Variants in GALNT17 observed in about 807,000 individuals in gnomAD.
GALNT17 encodes the protein UDP-GalNAc:polypeptide N-acetylgalactosaminyltransferase-like 3.
Under a neutral mutation model 63.7 loss-of-function variants are expected in GALNT17, and 29 were observed. The observed-to-expected ratio is 0.46, with a 90% CI of 0.34 to 0.62. The LOEUF (loss-of-function observed/expected upper bound fraction) is 0.62. Ranked by LOEUF, GALNT17 falls within the 20% of genes least tolerant of loss-of-function variation. The probability of loss-of-function intolerance (pLI) is 0.01; values close to 1 mark genes in which losing one functional copy is unlikely to be tolerated. For missense variants in GALNT17, 603 were observed against 799.6 expected (o/e 0.75, Z 2.97); for synonymous variants, 305 against 318.3 (o/e 0.96, Z 0.45).
intron 5 of GALNT17, among the ~76,000 whole-genome samples, chr7:71,524,121 A>G (rs1416525429): frequency 6.6e-6 from 1 of 151,020 alleles, no homozygotes; most frequent in East Asian, 1.9e-4. Flanking sequence ...TGTCTCAAAG[A>G]AAAAGAAAAA....
intron 1 of GALNT17, among the ~76,000 whole-genome samples, chr7:71,249,739 C>G (rs570765562): frequency 6.6e-6 from 1 of 152,226 alleles, no homozygotes; most frequent in Admixed American, 6.5e-5. Context: ...AAAGATACCC[C>G]CCAAAAGAGA....
At chr7:71,204,612 C>T (rs531500466) in intron 1 of GALNT17, among the ~76,000 whole-genome samples, 1 of 150,790 alleles carries the variant, frequency 6.6e-6, no homozygotes, top group South Asian at 2.1e-4. Flanking sequence ...GTTGCCCAGA[C>T]TGGAGTGCAG....
At chr7:71,434,307 A>G (rs952537173) in intron 5 of GALNT17, among the ~76,000 whole-genome samples, 1 of 152,126 alleles carries the variant, frequency 6.6e-6, no homozygotes, top group African/African-American at 2.4e-5. Flanking sequence ...ACCCTCACTA[A>G]TACACCAAGG....
chr7:71,200,849 A>C (rs890976345), intron 1 of GALNT17, among the ~76,000 whole-genome samples: 1 of 152,084 alleles, frequency 6.6e-6, no homozygotes, highest in Non-Finnish European at 1.5e-5. Flanking sequence ...TATACCTAGC[A>C]TCTAGACTCA....
In GALNT17 at chr7:71,174,935, C is replaced by A. The variant is rs530989628; in HGVS notation, c.238+41895C>A. Among the ~76,000 whole-genome samples, 4 of 152,246 alleles carry A rather than the reference C, an allele frequency of 2.6e-5. No individual in the cohort carries two copies. The East Asian group carries it at 7.7e-4, about 29-fold the overall frequency. ...TTGGGGAGCGATGGAAGGTTTATTT[C>A]CACTTTTGAAAACTTTTTAAATGAA... On this transcript the variant is annotated intron_variant, in intron 1 of 10. Transcript: ENST00000333538.
chr7:71,335,972 T>A (rs887092648), intron 2 of GALNT17, among the ~76,000 whole-genome samples: 7 of 151,230 alleles, frequency 4.6e-5, no homozygotes, highest in Admixed American at 1.3e-4. Flanking sequence ...TACAAAAAGC[T>A]TTGTATTTTA....
intron 3 of GALNT17, among the ~76,000 whole-genome samples, chr7:71,389,454 G>A (rs563144248): frequency 1.3e-5 from 2 of 151,968 alleles, no homozygotes; most frequent in African/African-American, 4.8e-5. Context: ...CTTTTTATGA[G>A]AATCTAATGT....
chr7:71,600,488 C>G (rs769231891), intron 6 of GALNT17, among the ~76,000 whole-genome samples: 34 of 152,032 alleles, frequency 2.2e-4, no homozygotes, highest in Non-Finnish European at 4.0e-4. Context: ...CCCACGTGCC[C>G]GGTACCGTGC....
At chr7:71,428,626 A>G (rs1370901635) in intron 5 of GALNT17, among the ~76,000 whole-genome samples, 1 of 151,918 alleles carries the variant, frequency 6.6e-6, no homozygotes. Context: ...TTTAGTAGAG[A>G]CGAGGTTTCA....
chr7:71,582,513 G>A (rs6974383), intron 6 of GALNT17, among the ~76,000 whole-genome samples: 14,596 of 151,896 alleles, frequency 0.096, 1,402 homozygotes, highest in East Asian at 0.51. Context: ...CCTGGGAGGC[G>A]GAGGTTGCAG....
intron 1 of GALNT17, among the ~76,000 whole-genome samples, chr7:71,307,068 C>G (rs548333370): frequency 6.6e-6 from 1 of 152,234 alleles, no homozygotes; most frequent in Non-Finnish European, 1.5e-5. Context: ...AAGTGATCTG[C>G]CCACCTTGGC....
intron 5 of GALNT17, among the ~76,000 whole-genome samples, chr7:71,513,063 T>G (rs934186071): frequency 2.0e-5 from 3 of 152,226 alleles, no homozygotes; most frequent in Non-Finnish European, 4.4e-5. Context: ...TCGGGTTGAT[T>G]AAGCTGTTTG....
At chr7:71,172,208 G>A (rs1330072894) in intron 1 of GALNT17, among the ~76,000 whole-genome samples, 2 of 152,144 alleles carry the variant, frequency 1.3e-5, no homozygotes, top group African/African-American at 4.8e-5. Flanking sequence ...GCTCACGCTT[G>A]TAATCCCAGC....
intron 1 of GALNT17, among the ~76,000 whole-genome samples, chr7:71,306,872 G>A (rs1010868475): frequency 3.3e-5 from 5 of 151,926 alleles, no homozygotes; most frequent in Non-Finnish European, 5.9e-5. Context: ...TGCCCAGGCT[G>A]GAGTGCAGTG....
chr7:71,639,726 A>G (rs964974965), intron 6 of GALNT17, among the ~76,000 whole-genome samples: 1 of 152,220 alleles, frequency 6.6e-6, no homozygotes, highest in Non-Finnish European at 1.5e-5. Context: ...TATCTACTGT[A>G]TATATTGAAA....
rs1167623885 is a variant in GALNT17 at position 71,336,032 on chromosome 7, C to CT, written c.422+328dup. Among the ~76,000 whole-genome samples, 115 of 21,284 alleles carry CT rather than the reference C, an allele frequency of 5.4e-3. 5 individuals carry two copies. Among genetic ancestry groups the CT allele is most frequent in the Non-Finnish European group, 7.7e-3 (90 of 11,658 alleles). The allele number at this position is 21,284 out of a possible 152,430, so 14.0% of individuals were successfully genotyped here. ...CCTTCTTCTTCCTTCTTCTTTCTTC[C>CT]TTTTTTTTTTTTTTTTTTTTTTTTT... On this transcript the variant is annotated intron_variant, in intron 2 of 10. Transcript: ENST00000333538.
chr7:71,206,966 C>T (rs1356639886), intron 1 of GALNT17, among the ~76,000 whole-genome samples: 2 of 152,028 alleles, frequency 1.3e-5, no homozygotes, highest in South Asian at 2.1e-4. Context: ...AATAGCTGGG[C>T]GTGGTGGTAA....
At chr7:71,690,822 A>T (rs117408069) in intron 9 of GALNT17, among the ~76,000 whole-genome samples, 319 of 152,338 alleles carry the variant, frequency 2.1e-3, no homozygotes, top group Non-Finnish European at 3.5e-3. Flanking sequence ...GAGCCCGTAG[A>T]TGGGACTGAA....
rs11455717 is a variant in GALNT17 at position 71,420,897 on chromosome 7, C to CT, written c.765-10dup. 0.64 allele frequency: 1,035,194 copies of CT among 1,613,592 alleles called. 342,719 individuals are homozygous for CT. Among genetic ancestry groups the CT allele is most frequent in the Non-Finnish European group, 0.69 (814,198 of 1,179,764 alleles). ...GAAGAGAGGTTTCATGTCTATTTCT[C>CT]TATGTTTCAGGGCTGAGCCGGTTCT... is the stretch of plus-strand genomic sequence containing the variant. On this transcript the variant is annotated splice_polypyrimidine_tract_variant and intron_variant, in intron 4 of 10. Transcript: ENST00000333538.
Sources: gnomAD v4.1 joint callset for allele counts (sites outside exome capture counted in the v4.1 genomes callset) on GRCh38, gnomAD v4.1.1 for gene constraint, MANE v1.5 for transcripts, NCBI Gene and HGNC (gene_info 2026-07-23, HGNC 2026-07-21) for gene names.